CDH23: variants seen among roughly 807,000 people sequenced by gnomAD.
The protein encoded by CDH23 is cadherin related 23.
In CDH23, 189 loss-of-function variants were observed where a neutral mutation model predicts 317.1. That is an observed-to-expected ratio of 0.60 (90% CI 0.53 to 0.67). The LOEUF (loss-of-function observed/expected upper bound fraction) is 0.67. CDH23 is among the 30% of genes least tolerant of loss of function. CDH23 has a pLI of 0.00. For synonymous variants in CDH23, 1,839 were observed against 1,876.8 expected (o/e 0.98, Z 0.52); for missense variants, 4,401 against 4,592.4 (o/e 0.96, Z 1.20).
chr10:71,578,884 T>G (rs1858429069), intron 9 of CDH23, among the ~76,000 whole-genome samples: 1 of 152,156 alleles, frequency 6.6e-6, no homozygotes, highest in Non-Finnish European at 1.5e-5. Context: ...TCCCCAGAAC[T>G]GGGAGTGGCA....
chr10:71,476,845 C>T (rs1564604792), intron 3 of CDH23, among the ~76,000 whole-genome samples: 1 of 152,198 alleles, frequency 6.6e-6, no homozygotes, highest in Non-Finnish European at 1.5e-5. Context: ...CACGCCTCCT[C>T]TCATGGCTCT....
intron 8 of CDH23, among the ~76,000 whole-genome samples, chr10:71,575,557 T>C (rs1828937226): frequency 1.3e-5 from 2 of 152,162 alleles, no homozygotes; most frequent in African/African-American, 4.8e-5. Context: ...CCTGCAGGCC[T>C]GCACACTGTA....
intron 9 of CDH23, among the ~76,000 whole-genome samples, chr10:71,592,263 C>T (rs1030379302): frequency 1.3e-5 from 2 of 152,182 alleles, no homozygotes; most frequent in African/African-American, 4.8e-5. Context: ...GATCTCCTGG[C>T]TCAGGAACTA....
In CDH23 at chr10:71,570,804, C is replaced by G. The variant is rs1172003626; in HGVS notation, c.639C>G (p.Thr213=). The part of the protein sequence containing the change: ...LTVNATDQDK[T]RPLSTLANLA... ...CGCTCTCTAAGGATCAAGACAAGAC[C>G]AGGCCTCTGTCCACCCTGGCCAACT... Residue 213 remains threonine, a synonymous_variant, in exon 8 of 70, where the codon ACC becomes ACG. Coordinates refer to ENST00000224721, the MANE Select transcript of CDH23 (RefSeq NM_022124.6). 6.2e-7 allele frequency: 1 copy of G among 1,612,584 alleles called. No homozygotes were observed. The highest frequency in any genetic ancestry group is 8.5e-7 in the Non-Finnish European group (1 of 1,179,268).
chr10:71,615,437 C>A, intron 9 of CDH23, 67 bp from the exon 10 acceptor site: 1 of 1,085,650 alleles, frequency 9.2e-7, no homozygotes, highest in East Asian at 2.5e-5. Context: ...TCCATGCCCC[C>A]CTGCCCCCAG....
intron 3 of CDH23, among the ~76,000 whole-genome samples, chr10:71,461,284 G>A (rs1174897519): frequency 6.6e-6 from 1 of 152,242 alleles, no homozygotes; most frequent in African/African-American, 2.4e-5. Context: ...CTGACAGTGG[G>A]CATGATGGCC....
In CDH23 at chr10:71,791,355, C is replaced by T. The variant is rs1430164043; in HGVS notation, c.6253+20C>T. On this transcript the variant is annotated intron_variant, in intron 47 of 69. Coordinates refer to ENST00000224721, the MANE Select transcript of CDH23 (RefSeq NM_022124.6). The stretch of plus-strand genomic sequence containing the variant: ...CGCCTGGTAAGCAGGGGACAGGCCC[C>T]AGCACCCCACAACCAGGGGCCGGTT... 1.9e-6 allele frequency: 3 copies of T among 1,605,686 alleles called. No individual in the cohort carries two copies. The highest frequency in any genetic ancestry group is 2.6e-6 in the Non-Finnish European group (3 of 1,174,970).
Position 71,751,171 on chromosome 10 carries a change from G to A in CDH23, c.4845+9250G>A. On this transcript the variant is annotated intron_variant, in intron 38 of 69. Transcript: ENST00000224721. The surrounding 1 kb of genome is among the most constrained non-coding windows in gnomAD (Gnocchi z 4.9). ...GGGAGGGAACCAGGGCCGAGGCCAA[G>A]GAGGCCACTCACAGAGCCAGCCCTG... The A allele has an allele frequency of 1.3e-6, 2 of 1,490,178 alleles. No individual in the cohort carries two copies. Among genetic ancestry groups the A allele is most frequent in the Non-Finnish European group, 1.8e-6 (2 of 1,094,016 alleles). The allele number at this position is 1,490,178 out of a possible 1,614,324, so 92.3% of individuals were successfully genotyped here. A position where few individuals can be genotyped will look rare whatever the true frequency, so the allele number is the denominator to read the frequency against.
chr10:71,576,363 A>G (rs554081249), intron 8 of CDH23, among the ~76,000 whole-genome samples: 11 of 152,112 alleles, frequency 7.2e-5, no homozygotes, highest in Non-Finnish European at 1.5e-4. Flanking sequence ...AAGGGATACA[A>G]GTGCTTGGGG....
intron 3 of CDH23, among the ~76,000 whole-genome samples, chr10:71,463,380 C>T (rs1360869596): frequency 6.6e-6 from 1 of 152,158 alleles, no homozygotes; most frequent in African/African-American, 2.4e-5. Flanking sequence ...CACCCGGCTG[C>T]CAAGAAGTGT....
In CDH23 at chr10:71,806,621, C is replaced by T. The variant is rs1303491292; in HGVS notation, c.8178+340C>T. ...TTGAGACAGAGTCTCGCTCCGTTGCCGAGGCTGGAGTGCAGTGGCATGACC... is the reference window on the plus strand; with the variant it reads ...TTGAGACAGAGTCTCGCTCCGTTGCTGAGGCTGGAGTGCAGTGGCATGACC... On this transcript the variant is annotated intron_variant, in intron 57 of 69. Coordinates refer to ENST00000224721, the MANE Select transcript of CDH23 (RefSeq NM_022124.6). Among the ~76,000 whole-genome samples, 4 of 150,566 alleles carry T rather than the reference C, an allele frequency of 2.7e-5. 1 individual carries two copies. In the South Asian group the frequency reaches 6.3e-4, roughly 24 times the overall value.
chr10:71,730,354 C>G, intron 30 of CDH23, 115 bp from the exon 31 acceptor site: 10 of 1,364,448 alleles, frequency 7.3e-6, no homozygotes, highest in South Asian at 5.7e-5. Context: ...CTAGAGGGAG[C>G]TCACAGCAGG....
intron 11 of CDH23, among the ~76,000 whole-genome samples, chr10:71,635,638 G>C (rs1446727320): frequency 1.3e-5 from 2 of 151,836 alleles, no homozygotes; most frequent in Admixed American, 1.3e-4. Context: ...AGGGCAAGAG[G>C]GGGAAGGAGG....
At position 71,777,726 on chromosome 10, in the gene CDH23, C is replaced by T. The variant is rs370762269; in HGVS notation, c.4892C>T (p.Ala1631Val). The part of the protein sequence containing the change: ...YVTIVDENDN[A>V]PMFQQPHYEV... The stretch of plus-strand genomic sequence containing the variant: ...ACCATTGTGGATGAGAATGATAACG[C>T]GCCCATGTTCCAGCAGCCCCACTAT... The change falls in exon 39 of 70, where the codon GCG becomes GTG. Residue 1631 changes from alanine to valine, a missense_variant. Coordinates refer to ENST00000224721, the MANE Select transcript of CDH23 (RefSeq NM_022124.6). 5.1e-4 allele frequency: 827 copies of T among 1,613,534 alleles called. 3 individuals are homozygous for T. The highest frequency in any genetic ancestry group is 4.5e-3 in the South Asian group (409 of 90,986).
intron 44 of CDH23, among the ~76,000 whole-genome samples, chr10:71,788,234 G>A (rs1589421569): frequency 1.3e-5 from 2 of 151,890 alleles, no homozygotes; most frequent in African/African-American, 4.8e-5. Context: ...ATTTTAAGTA[G>A]AGACAGGGTT....
chr10:71,518,765 G>C (rs1156862441), intron 6 of CDH23, among the ~76,000 whole-genome samples: 4 of 152,198 alleles, frequency 2.6e-5, no homozygotes, highest in African/African-American at 9.7e-5. Context: ...ACCTCTTTCT[G>C]GTTCTTAGGT....
chr10:71,783,590 C>T (rs960571865), intron 41 of CDH23, among the ~76,000 whole-genome samples: 4 of 152,198 alleles, frequency 2.6e-5, no homozygotes, highest in East Asian at 1.9e-4. Context: ...TGTCAGACAT[C>T]GGGCCCTGCA....
chr10:71,531,575 T>G (rs1382853606), intron 6 of CDH23, among the ~76,000 whole-genome samples: 1 of 152,130 alleles, frequency 6.6e-6, no homozygotes, highest in Non-Finnish European at 1.5e-5. Flanking sequence ...TCATTAGCCT[T>G]GGGAAAGTGG....
intron 38 of CDH23, among the ~76,000 whole-genome samples, chr10:71,765,608 A>T (rs144260097): frequency 6.6e-6 from 1 of 152,164 alleles, no homozygotes; most frequent in African/African-American, 2.4e-5. Context: ...TAGGGAAGGG[A>T]TGTTCTCCCC....
Sources: allele counts gnomAD v4.1 joint callset (sites outside exome capture counted in the v4.1 genomes callset), GRCh38; gene constraint gnomAD v4.1.1; non-coding constraint Gnocchi (gnomAD v3.1); transcripts MANE v1.5; gene names NCBI Gene and HGNC (gene_info 2026-07-23, HGNC 2026-07-21).